The following ASTN2 variants were observed in gnomAD, a reference collection of about 807,000 sequenced individuals.
The protein encoded by ASTN2 is astrotactin 2.
A neutral mutation model predicts 139.8 loss-of-function variants in ASTN2; 54 were observed. The observed-to-expected ratio is 0.39, with a 90% confidence interval of 0.31 to 0.48. The LOEUF (loss-of-function observed/expected upper bound fraction) is 0.48, where lower values mean the gene tolerates loss of function less well. Among genes scored for constraint, ASTN2 ranks in the 20% least tolerant of loss-of-function variants. ASTN2 has a pLI of 0.95. For synonymous variants in ASTN2, 756 were observed against 719.5 expected, an observed-to-expected ratio of 1.05 and a Z score of -0.81; for missense variants, 1,565 against 1,725.1, an observed-to-expected ratio of 0.91 and a Z score of 1.64.
intron 3 of ASTN2, among the ~76,000 whole-genome samples, chr9:117,151,782 G>C (rs1830331673): frequency 6.6e-6 from 1 of 152,122 alleles, no homozygotes; most frequent in Non-Finnish European, 1.5e-5. Context: ...AGACAATTTT[G>C]TTACCAAGAG....
chr9:117,000,511 G>C (rs200082326), intron 7 of ASTN2, among the ~76,000 whole-genome samples: 1 of 151,432 alleles, frequency 6.6e-6, no homozygotes, highest in Non-Finnish European at 1.5e-5. Flanking sequence ...TAATAAAGCT[G>C]TTTCGCAATA....
chr9:116,787,272 C>T (rs752234618), intron 13 of ASTN2, among the ~76,000 whole-genome samples: 1 of 152,202 alleles, frequency 6.6e-6, no homozygotes, highest in African/African-American at 2.4e-5. Context: ...TCTCTAGATC[C>T]CTGACCTGCC....
intron 2 of ASTN2, among the ~76,000 whole-genome samples, chr9:117,241,454 C>T (rs1833203142): frequency 1.3e-5 from 2 of 152,108 alleles, no homozygotes; most frequent in African/African-American, 2.4e-5. Flanking sequence ...GCACTGGTTT[C>T]GTGGAAGAAA....
intron 11 of ASTN2, among the ~76,000 whole-genome samples, chr9:116,850,667 T>A (rs7032261): frequency 3.3e-5 from 5 of 152,196 alleles, no homozygotes; most frequent in African/African-American, 1.2e-4. Context: ...TTGTTCTTTT[T>A]TTCTACCCCA....
chr9:117,291,313 C>G lies in ASTN2; in HGVS notation c.630+13G>C, dbSNP rs369246614. On this transcript the variant is annotated intron_variant, in intron 2 of 22. Transcript: ENST00000313400. ...GCAATCCCCGACCCCGGTCACATCC[C>G]CCCATCACTCACCATCACAGAAATG... 1.2e-4 allele frequency: 198 copies of G among 1,613,650 alleles called. No homozygotes were observed. The highest frequency in any genetic ancestry group is 1.6e-4 in the Non-Finnish European group (186 of 1,179,838).
chr9:116,509,137 TC>T (rs1288376493), intron 19 of ASTN2, among the ~76,000 whole-genome samples: 1 of 152,188 alleles, frequency 6.6e-6, no homozygotes, highest in Non-Finnish European at 1.5e-5. Flanking sequence ...TAGGTATATC[TC>T]CTAATGCTAT....
chr9:116,979,677 T>A (rs545695790), intron 7 of ASTN2, among the ~76,000 whole-genome samples: 3 of 152,140 alleles, frequency 2.0e-5, no homozygotes, highest in African/African-American at 7.2e-5. Flanking sequence ...ACAGGCCTCA[T>A]GATTCATAAT....
intron 2 of ASTN2, among the ~76,000 whole-genome samples, chr9:117,266,759 C>T (rs1195243086): frequency 2.0e-5 from 3 of 152,146 alleles, no homozygotes; most frequent in Non-Finnish European, 2.9e-5. Flanking sequence ...AAGACAAGAT[C>T]AACTGATGAA....
intron 19 of ASTN2, among the ~76,000 whole-genome samples, chr9:116,592,754 A>T (rs1348356699): frequency 6.6e-6 from 1 of 152,206 alleles, no homozygotes; most frequent in African/African-American, 2.4e-5. Flanking sequence ...AGATGACTGA[A>T]TTCAACCACT....
chr9:116,450,615 G>A (rs1848145153), intron 20 of ASTN2, among the ~76,000 whole-genome samples: 1 of 152,124 alleles, frequency 6.6e-6, no homozygotes, highest in Non-Finnish European at 1.5e-5. Flanking sequence ...GGGCTGGAGA[G>A]GCTGCCAAAA....
chr9:116,974,868 A>C (rs1378780040), intron 10 of ASTN2, among the ~76,000 whole-genome samples: 1 of 152,210 alleles, frequency 6.6e-6, no homozygotes, highest in East Asian at 1.9e-4. Context: ...GGACTACAAC[A>C]GAAAACATCC....
intron 19 of ASTN2, among the ~76,000 whole-genome samples, chr9:116,513,254 T>G (rs1203606353): frequency 6.6e-6 from 1 of 152,186 alleles, no homozygotes; most frequent in Non-Finnish European, 1.5e-5. Context: ...TCTCCTTCAC[T>G]TATGAAGCTT....
At chr9:117,231,143 C>T (rs895859117) in intron 2 of ASTN2, among the ~76,000 whole-genome samples, 1 of 152,202 alleles carries the variant, frequency 6.6e-6, no homozygotes, top group South Asian at 2.1e-4. Context: ...TTCAGTATAT[C>T]TCATCTTCCT....
intron 10 of ASTN2, among the ~76,000 whole-genome samples, chr9:116,884,809 C>CCCT (rs1833550640): frequency 2.5e-5 from 3 of 122,296 alleles, no homozygotes; most frequent in Non-Finnish European, 1.7e-5. Context: ...ATCCGCCCCC[C>CCCT]CCCCACCCAC....
chr9:117,088,296 T>C (rs1828619313), intron 5 of ASTN2, among the ~76,000 whole-genome samples: 1 of 152,168 alleles, frequency 6.6e-6, no homozygotes, highest in African/African-American at 2.4e-5. Flanking sequence ...TTCCCCAGTG[T>C]ACCACGTACC....
chr9:116,874,483 G>T (rs1384606541), intron 10 of ASTN2, among the ~76,000 whole-genome samples: 2 of 152,288 alleles, frequency 1.3e-5, no homozygotes, highest in East Asian at 1.9e-4. Flanking sequence ...CATCAGCTGT[G>T]CAGTCTTTAG....
intron 2 of ASTN2, among the ~76,000 whole-genome samples, chr9:117,283,425 G>GAA (rs141288093): frequency 2.0e-5 from 3 of 150,806 alleles, no homozygotes; most frequent in African/African-American, 7.3e-5. Flanking sequence ...CTACTTTCTG[G>GAA]AAAAAAAAAC....
intron 16 of ASTN2, among the ~76,000 whole-genome samples, chr9:116,718,554 A>T (rs956850540): frequency 6.6e-6 from 1 of 152,134 alleles, no homozygotes; most frequent in Admixed American, 6.5e-5. Flanking sequence ...TATGTATGTG[A>T]GGATGATTTT....
intron 2 of ASTN2, among the ~76,000 whole-genome samples, chr9:117,245,525 C>T (rs1479400991): frequency 1.3e-5 from 2 of 152,152 alleles, no homozygotes; most frequent in Admixed American, 1.3e-4. Context: ...GACTCTTCCT[C>T]TAATGACATC....
Sources: gnomAD v4.1 joint callset for allele counts (sites outside exome capture counted in the v4.1 genomes callset) on GRCh38, gnomAD v4.1.1 for gene constraint, MANE v1.5 for transcripts, NCBI Gene and HGNC (gene_info 2026-07-23, HGNC 2026-07-21) for gene names.